TMEM154: variants seen among roughly 807,000 people sequenced by gnomAD.
The protein encoded by TMEM154 is transmembrane protein 154.
A neutral mutation model predicts 24.5 loss-of-function variants in TMEM154; 27 were observed. The observed-to-expected ratio is 1.10, with a 90% CI of 0.81 to 1.52. TMEM154 has a LOEUF of 1.52. Ranked by LOEUF, TMEM154 falls within the 40% of genes most tolerant of loss-of-function variation. The pLI is 0.00. For missense variants in TMEM154, 228 were observed against 213.4 expected, an observed-to-expected ratio of 1.07 and a Z score of -0.43; for synonymous variants, 67 against 76.8, an observed-to-expected ratio of 0.87 and a Z score of 0.67.
intron 6 of TMEM154, among the ~76,000 whole-genome samples, chr4:152,637,340 G>T (rs567814012): frequency 6.6e-6 from 1 of 152,282 alleles, no homozygotes; most frequent in Admixed American, 6.5e-5. Context: ...GAGGTCAGGA[G>T]TTCAAGGCCA....
intron 1 of TMEM154, among the ~76,000 whole-genome samples, chr4:152,655,573 C>T (rs752048794): frequency 2.6e-5 from 4 of 152,180 alleles, no homozygotes; most frequent in Admixed American, 6.5e-5. Context: ...CAGCCACCAG[C>T]GCTGCTGGCT....
intron 1 of TMEM154, among the ~76,000 whole-genome samples, chr4:152,676,282 A>G (rs1326139836): frequency 6.6e-6 from 1 of 152,326 alleles, no homozygotes; most frequent in South Asian, 2.1e-4. Flanking sequence ...GCCACCGCAA[A>G]GCCTAGCCAA....
At chr4:152,664,380 G>C (rs57361794) in intron 1 of TMEM154, among the ~76,000 whole-genome samples, 1 of 151,728 alleles carries the variant, frequency 6.6e-6, no homozygotes, top group Non-Finnish European at 1.5e-5. Context: ...GTCGTGGCGG[G>C]GGGGTACAAG....
At chr4:152,672,479 CAT>C (rs1467977907) in intron 1 of TMEM154, among the ~76,000 whole-genome samples, 17 of 152,190 alleles carry the variant, frequency 1.1e-4, no homozygotes, top group Admixed American at 1.0e-3. Flanking sequence ...TGGAGAAAAA[CAT>C]AAAATAAGCA....
intron 6 of TMEM154, among the ~76,000 whole-genome samples, chr4:152,630,309 C>CAAAAAAAAAA (rs56827457): frequency 1.1e-5 from 1 of 91,328 alleles, no homozygotes; most frequent in African/African-American, 4.4e-5. Context: ...CACCCTGTCT[C>CAAAAAAAAAA]AAAAAAAAAA....
intron 1 of TMEM154, among the ~76,000 whole-genome samples, chr4:152,670,321 T>C (rs1463937674): frequency 6.6e-6 from 1 of 152,210 alleles, no homozygotes; most frequent in African/African-American, 2.4e-5. Flanking sequence ...GTGCGGTGGC[T>C]CACGCCTGTA....
chr4:152,679,967 G>A lies in TMEM154; in HGVS notation c.-34C>T, dbSNP rs1487769182. On this transcript the variant is annotated 5_prime_UTR_variant, in exon 1 of 7. Transcript: ENST00000304385. ...GCCTCGGCAGAGGCGCGCTCAGGAT[G>A]CTGCGCCGGGCTGCAGCCTCTCTGA... The A allele has an allele frequency of 4.5e-6, 7 of 1,568,586 alleles. No homozygotes were observed. The highest frequency in any genetic ancestry group is 6.1e-6 in the Non-Finnish European group (7 of 1,150,434).
At chr4:152,643,306 G>A (rs866442806) in intron 4 of TMEM154, 133 bp from the exon 5 acceptor site, 16 of 655,192 alleles carry the variant, frequency 2.4e-5, no homozygotes, top group Middle Eastern at 5.1e-4. Flanking sequence ...GGAAGCCTGG[G>A]GGCTTGCCCT....
chr4:152,659,046 A>G (rs1728545365), intron 1 of TMEM154, among the ~76,000 whole-genome samples: 1 of 152,196 alleles, frequency 6.6e-6, no homozygotes, highest in South Asian at 2.1e-4. Context: ...AGTATATCAA[A>G]GGAATAATTG....
intron 1 of TMEM154, among the ~76,000 whole-genome samples, chr4:152,653,966 GA>G (rs1471920231): frequency 4.0e-5 from 6 of 151,454 alleles, no homozygotes; most frequent in African/African-American, 1.5e-4. Flanking sequence ...TTGAACCCAG[GA>G]AGCAGAGGTT....
intron 1 of TMEM154, 67 bp downstream of exon 1, chr4:152,679,803 T>C: frequency 6.4e-7 from 1 of 1,563,046 alleles, no homozygotes; most frequent in South Asian, 1.2e-5. Flanking sequence ...CAGAGTTCTG[T>C]AGCCTCGGGC....
At position 152,622,663 on chromosome 4, in the gene TMEM154, T is replaced by C. The variant is rs979905402; in HGVS notation, c.*5883A>G. On this transcript the variant is annotated 3_prime_UTR_variant, in exon 7 of 7. Coordinates refer to ENST00000304385, the MANE Select transcript of TMEM154 (RefSeq NM_152680.3). ...ATTTAAAAAAAAATGGAGTTGAGAA[T>C]AATTTATATATACATATGTATACTG... 3.3e-5 allele frequency: 5 copies of C among 152,174 alleles called. No individual in the cohort carries two copies. Among genetic ancestry groups the C allele is most frequent in the African/African-American group, 1.2e-4 (5 of 41,464 alleles). 9.4% of individuals were successfully genotyped at this position (152,174 alleles called of 1,614,324 possible).
chr4:152,640,883 G>GC (rs757932566), intron 6 of TMEM154, 45 bp downstream of exon 6: 8 of 609,770 alleles, frequency 1.3e-5, no homozygotes, highest in African/African-American at 4.2e-5. Flanking sequence ...CAATCCCCCC[G>GC]CCCCCCGCCA....
At position 152,637,843 on chromosome 4, in the gene TMEM154, CAAAGT is replaced by C. The variant is rs1024434005; in HGVS notation, c.536+3080_536+3084del. Among the ~76,000 whole-genome samples, 7 of 151,930 alleles carry C rather than the reference CAAAGT, an allele frequency of 4.6e-5. 1 individual carries two copies. Among genetic ancestry groups the C allele is most frequent in the Non-Finnish European group, 1.0e-4 (7 of 67,966 alleles). ...TTATTTTTGTCCCAGGGTAGATACT[CAAAGT>C]AAACATTTTATGGATTATCAATTTA... On this transcript the variant is annotated intron_variant, in intron 6 of 6. Coordinates refer to ENST00000304385, the MANE Select transcript of TMEM154 (RefSeq NM_152680.3).
intron 6 of TMEM154, among the ~76,000 whole-genome samples, chr4:152,630,999 C>G (rs1752029386): frequency 6.6e-6 from 1 of 152,118 alleles, no homozygotes; most frequent in Non-Finnish European, 1.5e-5. Flanking sequence ...TTTAGCCAAT[C>G]CCTTATTGTT....
rs887275360 is a variant in TMEM154, at chr4:152,623,844, T to A, written c.*4702A>T. 1 of 149,538 alleles carries A rather than the reference T, an allele frequency of 6.7e-6. No individual in the cohort carries two copies. Among genetic ancestry groups the A allele is most frequent in the African/African-American group, 2.5e-5 (1 of 40,272 alleles). 9.3% of individuals were successfully genotyped at this position (149,538 alleles called of 1,614,324 possible). A position where few individuals can be genotyped will look rare whatever the true frequency, so the allele number is the denominator to read the frequency against. ...CTGCAGTGAGCCAAGATCATGCCAC[T>A]GCACTCCAGCCAGGGCAACAGAGCA... On this transcript the variant is annotated 3_prime_UTR_variant, in exon 7 of 7. Coordinates refer to ENST00000304385, the MANE Select transcript of TMEM154 (RefSeq NM_152680.3).
chr4:152,652,425 G>T, intron 3 of TMEM154, 113 bp downstream of exon 3: 2 of 1,449,626 alleles, frequency 1.4e-6, no homozygotes, highest in Non-Finnish European at 1.8e-6. Context: ...TCATTGAAAT[G>T]TATTATTTAT....
At chr4:152,671,764 A>AG (rs1554013675) in intron 1 of TMEM154, among the ~76,000 whole-genome samples, 14 of 146,498 alleles carry the variant, frequency 9.6e-5, no homozygotes, top group Admixed American at 1.4e-4. Context: ...AAAAAAAAAA[A>AG]AAAAGAAAAG....
At position 152,644,412 on chromosome 4, in the gene TMEM154, T is replaced by TA; in HGVS notation, c.392+2dup. On this transcript the variant is annotated splice_region_variant and intron_variant, in intron 4 of 6. Transcript: ENST00000304385. ...TGGATCAGAAGCAGCAGGGAAAACT[T>TA]ACACTTTCACGTTTTCACTTCCCAG... 6.2e-7 allele frequency: 1 copy of TA among 1,614,184 alleles called. No homozygotes were observed. Among genetic ancestry groups the TA allele is most frequent in the Non-Finnish European group, 8.5e-7 (1 of 1,180,014 alleles).
Sources: gnomAD v4.1 joint callset for allele counts (sites outside exome capture counted in the v4.1 genomes callset) on GRCh38, gnomAD v4.1.1 for gene constraint, MANE v1.5 for transcripts, NCBI Gene and HGNC (gene_info 2026-07-23, HGNC 2026-07-21) for gene names.